Variants in ROBO1 observed in about 807,000 individuals in gnomAD.
ROBO1 encodes roundabout guidance receptor 1, also known as roundabout homolog 1.
ROBO1 carries 149 observed loss-of-function variants against 195.9 expected under a neutral mutation model. The ratio of observed to expected loss-of-function variants is 0.76; its 90% CI spans 0.67 to 0.87. The LOEUF is 0.87. Ranked by LOEUF, ROBO1 falls within the 40% of genes least tolerant of loss-of-function variation. The pLI is 0.00. For synonymous variants in ROBO1, 816 were observed against 733.2 expected, an observed-to-expected ratio of 1.11 and a Z score of -1.82; for missense variants, 1,933 against 2,068.3, an observed-to-expected ratio of 0.93 and a Z score of 1.27.
intron 2 of ROBO1, among the ~76,000 whole-genome samples, chr3:79,528,462 C>T (rs1263692526): frequency 6.6e-6 from 1 of 152,034 alleles, no homozygotes; most frequent in African/African-American, 2.4e-5. Flanking sequence ...TTTGAAATAC[C>T]TTAGGTAGAT....
At chr3:79,393,098 C>T (rs532558371) in intron 2 of ROBO1, among the ~76,000 whole-genome samples, 3 of 152,350 alleles carry the variant, frequency 2.0e-5, no homozygotes, top group African/African-American at 7.2e-5. Flanking sequence ...CCTCAAGTCA[C>T]TGGCACACTG....
chr3:79,425,386 A>C (rs1251796601), intron 2 of ROBO1, among the ~76,000 whole-genome samples: 1 of 152,008 alleles, frequency 6.6e-6, no homozygotes, highest in Admixed American at 6.6e-5. Flanking sequence ...AAATGCTTAG[A>C]CCTCTCTGAT....
intron 8 of ROBO1, among the ~76,000 whole-genome samples, chr3:78,708,326 T>C (rs1343354262): frequency 1.3e-5 from 2 of 152,152 alleles, no homozygotes; most frequent in Admixed American, 6.5e-5. Context: ...AAGATGATTG[T>C]CATTGAAAGT....
At chr3:79,595,081 A>T (rs1466551087) in intron 1 of ROBO1, among the ~76,000 whole-genome samples, 1 of 151,986 alleles carries the variant, frequency 6.6e-6, no homozygotes, top group Non-Finnish European at 1.5e-5. Context: ...TTTAAAAACT[A>T]ATATGTTCTA....
chr3:78,661,358 GT>G, intron 15 of ROBO1, 97 bp from the exon 16 acceptor site: 1 of 711,590 alleles, frequency 1.4e-6, no homozygotes, highest in Non-Finnish European at 2.1e-6. Context: ...ACAAAATTCT[GT>G]CTGGCTTCAT....
chr3:79,090,501 G>GT (rs1222600605), intron 3 of ROBO1, among the ~76,000 whole-genome samples: 28 of 68,190 alleles, frequency 4.1e-4, no homozygotes, highest in African/African-American at 1.5e-3. Flanking sequence ...CCTTTCTTTT[G>GT]TTTTTTGATG....
chr3:78,710,570 T>C (rs2081659750), intron 8 of ROBO1, among the ~76,000 whole-genome samples: 1 of 152,200 alleles, frequency 6.6e-6, no homozygotes, highest in Non-Finnish European at 1.5e-5. Context: ...GTATAACAGA[T>C]AATATGTTAA....
At chr3:79,204,498 G>A (rs1027297487) in intron 2 of ROBO1, among the ~76,000 whole-genome samples, 1 of 151,990 alleles carries the variant, frequency 6.6e-6, no homozygotes, top group African/African-American at 2.4e-5. Context: ...CAAATAACAT[G>A]ATGAAGAACA....
intron 4 of ROBO1, among the ~76,000 whole-genome samples, chr3:78,919,107 T>G (rs1205159685): frequency 3.3e-5 from 5 of 152,140 alleles, no homozygotes; most frequent in Non-Finnish European, 7.3e-5. Flanking sequence ...CCCTCAGACA[T>G]ATATCAATTT....
At chr3:79,312,011 A>G (rs2033510261) in intron 2 of ROBO1, among the ~76,000 whole-genome samples, 1 of 152,112 alleles carries the variant, frequency 6.6e-6, no homozygotes, top group African/African-American at 2.4e-5. Flanking sequence ...CAAATTCCCA[A>G]CATATTTCTG....
chr3:79,286,787 C>A (rs2109016685), intron 2 of ROBO1, among the ~76,000 whole-genome samples: 1 of 152,218 alleles, frequency 6.6e-6, no homozygotes, highest in Admixed American at 6.5e-5. Context: ...ACAACTCATA[C>A]TTCAACAGAA....
At chr3:79,030,718 T>C (rs1381832018) in intron 3 of ROBO1, among the ~76,000 whole-genome samples, 1 of 152,204 alleles carries the variant, frequency 6.6e-6, no homozygotes, top group Non-Finnish European at 1.5e-5. Flanking sequence ...CTTTTTCCAA[T>C]ATGTTATTTA....
intron 3 of ROBO1, among the ~76,000 whole-genome samples, chr3:79,032,928 A>AT (rs1489501795): frequency 1.3e-5 from 2 of 152,092 alleles, no homozygotes; most frequent in Non-Finnish European, 2.9e-5. Context: ...AAAATGAGAA[A>AT]TAAAAACTTC....
intron 3 of ROBO1, among the ~76,000 whole-genome samples, chr3:79,084,636 T>G (rs1203808459): frequency 6.6e-6 from 1 of 152,362 alleles, no homozygotes; most frequent in Middle Eastern, 3.4e-3. Flanking sequence ...ACATGCTCTA[T>G]TATTATCGTT....
intron 8 of ROBO1, among the ~76,000 whole-genome samples, chr3:78,711,392 T>C (rs199785077): frequency 6.1e-5 from 3 of 49,378 alleles, no homozygotes; most frequent in South Asian, 7.8e-4. Context: ...CCTTCCTTCC[T>C]TCCTTCCTTT....
At chr3:79,637,757 A>T (rs963371107) in intron 1 of ROBO1, among the ~76,000 whole-genome samples, 2 of 151,962 alleles carry the variant, frequency 1.3e-5, no homozygotes, top group Non-Finnish European at 2.9e-5. Flanking sequence ...CTTTAGAAAG[A>T]CTCCCTTTGT....
chr3:78,899,856 G>A (rs1241334016), intron 4 of ROBO1, among the ~76,000 whole-genome samples: 1 of 152,156 alleles, frequency 6.6e-6, no homozygotes, highest in Non-Finnish European at 1.5e-5. Context: ...TCATTGATGT[G>A]ATAGGTTAGC....
chr3:79,605,988 G>C (rs1315700367), intron 1 of ROBO1, among the ~76,000 whole-genome samples: 1 of 131,890 alleles, frequency 7.6e-6, no homozygotes, highest in African/African-American at 3.8e-5. Flanking sequence ...ATATATGTGT[G>C]TGTGTATATA....
At chr3:79,164,765 C>G (rs571485941) in intron 2 of ROBO1, among the ~76,000 whole-genome samples, 27 of 152,206 alleles carry the variant, frequency 1.8e-4, no homozygotes, top group African/African-American at 6.0e-4. Context: ...GATCTCATTC[C>G]CGACTCCTCT....
Sources: gnomAD v4.1 joint callset for allele counts (sites outside exome capture counted in the v4.1 genomes callset) on GRCh38, gnomAD v4.1.1 for gene constraint, MANE v1.5 for transcripts, NCBI Gene and HGNC (gene_info 2026-07-23, HGNC 2026-07-21) for gene names.